TBC1D32: variants seen among roughly 807,000 people sequenced by gnomAD.
TBC1D32 encodes the protein protein broad-minded.
Under a neutral mutation model 170.3 loss-of-function variants are expected in TBC1D32, and 151 were observed. The ratio of observed to expected loss-of-function variants is 0.89; its 90% CI spans 0.78 to 1.01. The LOEUF (loss-of-function observed/expected upper bound fraction) is 1.01, where lower values mean the gene tolerates loss of function less well. Among genes scored for constraint, TBC1D32 ranks in the 50% least tolerant of loss-of-function variants. The probability of loss-of-function intolerance (pLI) is 0.00; values close to 1 mark genes in which losing one functional copy is unlikely to be tolerated. For synonymous variants in TBC1D32, 498 were observed against 488.0 expected (o/e 1.02, Z -0.27); for missense variants, 1,464 against 1,457.1 (o/e 1.00, Z -0.08).
intron 10 of TBC1D32, among the ~76,000 whole-genome samples, chr6:121,298,424 C>A (rs1805968814): frequency 6.6e-6 from 1 of 151,986 alleles, no homozygotes; most frequent in African/African-American, 2.4e-5. Flanking sequence ...TCTGTGATAG[C>A]AACAGTGAGT....
intron 24 of TBC1D32, among the ~76,000 whole-genome samples, chr6:121,156,796 T>C (rs1202487157): frequency 6.6e-6 from 1 of 152,158 alleles, no homozygotes; most frequent in African/African-American, 2.4e-5. Context: ...GAGCTAGTTG[T>C]TTAATTTCCA....
intron 24 of TBC1D32, among the ~76,000 whole-genome samples, chr6:121,157,453 C>A (rs1002437204): frequency 6.6e-6 from 1 of 152,106 alleles, no homozygotes; most frequent in African/African-American, 2.4e-5. Flanking sequence ...ATCTTTTTAT[C>A]CAGCTTGCCA....
At chr6:121,147,075 G>C (rs564669013) in intron 24 of TBC1D32, among the ~76,000 whole-genome samples, 153 of 152,236 alleles carry the variant, frequency 1.0e-3, no homozygotes, top group African/African-American at 3.5e-3. Context: ...TGCAGTATTT[G>C]GTTTTCTGTT....
At chr6:121,175,419 T>A (rs1787630923) in intron 22 of TBC1D32, among the ~76,000 whole-genome samples, 1 of 152,196 alleles carries the variant, frequency 6.6e-6, no homozygotes, top group Non-Finnish European at 1.5e-5. Context: ...ACTTTTAAAA[T>A]CTTACAAGTA....
intron 1 of TBC1D32, among the ~76,000 whole-genome samples, chr6:121,322,635 T>C (rs1426351445): frequency 6.6e-6 from 1 of 152,218 alleles, no homozygotes; most frequent in Non-Finnish European, 1.5e-5. Flanking sequence ...TATGACCTGC[T>C]TTATCCCCTG....
At chr6:121,191,664 A>G (rs1281174923) in intron 22 of TBC1D32, among the ~76,000 whole-genome samples, 1 of 152,146 alleles carries the variant, frequency 6.6e-6, no homozygotes, top group Non-Finnish European at 1.5e-5. Flanking sequence ...TTGTAAACAC[A>G]CAGAGTATGG....
intron 19 of TBC1D32, among the ~76,000 whole-genome samples, chr6:121,240,357 ATTTTTTTTTTTTT>A (rs35946120): frequency 1.3e-5 from 1 of 75,294 alleles, no homozygotes; most frequent in African/African-American, 5.6e-5. Flanking sequence ...GTTTAGGACA[ATTTTTTTTTTTTT>A]TTTTTTTTTT....
At chr6:121,263,378 CAAG>C (rs1800027906) in intron 15 of TBC1D32, among the ~76,000 whole-genome samples, 1 of 152,146 alleles carries the variant, frequency 6.6e-6, no homozygotes, top group African/African-American at 2.4e-5. Context: ...ATCAATTCAA[CAAG>C]AAGAGCTAAC....
intron 24 of TBC1D32, among the ~76,000 whole-genome samples, chr6:121,155,016 A>G (rs192153542): frequency 1.5e-3 from 222 of 152,280 alleles, no homozygotes; most frequent in Non-Finnish European, 2.4e-3. Flanking sequence ...ATTTCAGAAT[A>G]CATATTTCTA....
intron 17 of TBC1D32, among the ~76,000 whole-genome samples, chr6:121,244,280 T>C (rs1174257045): frequency 2.0e-5 from 3 of 152,072 alleles, no homozygotes; most frequent in Non-Finnish European, 4.4e-5. Flanking sequence ...AAAATCAGAA[T>C]GAGACATTAC....
chr6:121,285,409 T>C (rs942739984), intron 12 of TBC1D32, among the ~76,000 whole-genome samples: 29 of 152,158 alleles, frequency 1.9e-4, no homozygotes, highest in Admixed American at 1.1e-3. Flanking sequence ...TGAAATGTCA[T>C]CTACCAGGAA....
chr6:121,259,983 C>T (rs1799554654), intron 15 of TBC1D32, among the ~76,000 whole-genome samples: 1 of 152,084 alleles, frequency 6.6e-6, no homozygotes, highest in Admixed American at 6.6e-5. Context: ...ACACTTGAGA[C>T]CCATCACCAT....
chr6:121,199,066 A>G (rs1791199921), intron 22 of TBC1D32, among the ~76,000 whole-genome samples: 1 of 151,480 alleles, frequency 6.6e-6, no homozygotes, highest in African/African-American at 2.5e-5. Flanking sequence ...TGCTACAGAG[A>G]GCTCAAGAAA....
At chr6:121,205,316 GAAGAAT>G (rs1659248649) in intron 21 of TBC1D32, among the ~76,000 whole-genome samples, 153 bp from the exon 22 acceptor site, 1 of 151,296 alleles carries the variant, frequency 6.6e-6, no homozygotes, top group African/African-American at 2.5e-5. Flanking sequence ...AGAAGAAGAA[GAAGAAT>G]AATAGTATAA....
chr6:121,225,078 A>C (rs1359840910), intron 20 of TBC1D32, among the ~76,000 whole-genome samples: 1 of 150,566 alleles, frequency 6.6e-6, no homozygotes, highest in African/African-American at 2.4e-5. Flanking sequence ...GGAAGAAAAA[A>C]ATTGCCAAGG....
intron 1 of TBC1D32, among the ~76,000 whole-genome samples, chr6:121,333,775 T>C (rs1236907091): frequency 2.0e-5 from 3 of 152,186 alleles, no homozygotes; most frequent in Non-Finnish European, 4.4e-5. Flanking sequence ...AGTAAAAATA[T>C]AGAGGCGGCG....
intron 1 of TBC1D32, among the ~76,000 whole-genome samples, chr6:121,322,305 A>G (rs1414385799): frequency 1.3e-5 from 2 of 152,180 alleles, no homozygotes; most frequent in African/African-American, 4.8e-5. Flanking sequence ...CACTATTATT[A>G]AATTCAAGAC....
intron 21 of TBC1D32, among the ~76,000 whole-genome samples, chr6:121,212,450 CTTTT>C (rs3076854): frequency 3.9e-5 from 4 of 102,094 alleles, no homozygotes; most frequent in Middle Eastern, 5.4e-3. Context: ...GTCAATATCT[CTTTT>C]TTTTTTTTTT....
intron 20 of TBC1D32, among the ~76,000 whole-genome samples, chr6:121,236,003 T>C (rs1331255008): frequency 6.6e-6 from 1 of 152,200 alleles, no homozygotes; most frequent in African/African-American, 2.4e-5. Context: ...GCATTTAGTG[T>C]AATTATTGAT....
Sources: gnomAD v4.1 joint callset for allele counts (sites outside exome capture counted in the v4.1 genomes callset) on GRCh38, gnomAD v4.1.1 for gene constraint, MANE v1.5 for transcripts, NCBI Gene and HGNC (gene_info 2026-07-23, HGNC 2026-07-21) for gene names.